Variants in ZNF100 observed in about 807,000 individuals in gnomAD.
The protein encoded by ZNF100 is zinc finger protein 100.
In ZNF100, 12 loss-of-function variants were observed where a neutral mutation model predicts 15.8. The ratio of observed to expected loss-of-function variants is 0.76; its 90% CI spans 0.49 to 1.23. ZNF100 has a LOEUF of 1.23. Among genes scored for constraint, ZNF100 ranks in the 50% most tolerant of loss-of-function variants. The pLI is 0.00. For missense variants in ZNF100, 670 were observed against 635.6 expected (o/e 1.05, Z -0.58); for synonymous variants, 226 against 214.8 (o/e 1.05, Z -0.45).
intron 2 of ZNF100, chr19:21,747,017 A>G (rs1486525581): frequency 6.6e-6 from 1 of 152,218 alleles, no homozygotes; most frequent in East Asian, 1.9e-4. Context: ...CCTCTCCCTT[A>G]TAACAGAGGA....
chr19:21,730,174 C>T (rs1443969992), intron 4 of ZNF100, among the ~76,000 whole-genome samples: 1 of 151,520 alleles, frequency 6.6e-6, no homozygotes, highest in Non-Finnish European at 1.5e-5. Context: ...TCAATAGAGA[C>T]TTATTTAAAT....
chr19:21,726,811 T>TC lies in ZNF100; in HGVS notation c.1500_1501insG (p.Thr501AspfsTer2), dbSNP rs749911838. 12 of 1,613,766 alleles carry TC rather than the reference T, an allele frequency of 7.4e-6. No individual in the cohort carries two copies. The highest frequency in any genetic ancestry group is 1.0e-5 in the Non-Finnish European group (12 of 1,179,868). On this transcript the variant is annotated frameshift_variant, in exon 5 of 5. Coordinates refer to ENST00000358296, the MANE Select transcript of ZNF100 (RefSeq NM_173531.4). LOFTEE classifies it low-confidence loss of function (END_TRUNC). ...CCAGTATGAGTTATCTTATGTTTAG[T>TC]AAGGGTTGAGGATCGGTTAAAAGCT...
In ZNF100 at chr19:21,727,851, T is replaced by A. The variant is rs1475887943; in HGVS notation, c.461A>T (p.Glu154Val). The A allele has an allele frequency of 1.9e-6, 3 of 1,612,224 alleles. No individual in the cohort carries two copies. Among genetic ancestry groups the A allele is most frequent in the Non-Finnish European group, 2.5e-6 (3 of 1,179,354 alleles). ...QLQKGCKSVD[E>V]CKVHKEHDNK... Reference sequence around the variant, plus strand: ...ATCATGTTCTTTGTGCACTTTACACTCATCCACACTTTTACAGCCTTTTTG... The same window carrying A: ...ATCATGTTCTTTGTGCACTTTACACACATCCACACTTTTACAGCCTTTTTG... Residue 154 changes from glutamate to valine, a missense_variant, in exon 5 of 5, where the codon GAG becomes GTG. Transcript: ENST00000358296.
rs772617724 is a variant in ZNF100 at position 21,727,757 on chromosome 19, G to T, written c.555C>A (p.Val185=). 1 of 1,613,866 alleles carries T rather than the reference G, an allele frequency of 6.2e-7. No individual in the cohort carries two copies. The highest frequency in any genetic ancestry group is 8.5e-7 in the Non-Finnish European group (1 of 1,179,868). ...TGTTTGAATTTGAAAATGTATGAAA[G>T]ACTTTTGCAGATGGATCACATTGAA... The part of the protein sequence containing the change: ...NIFQCDPSAK[V]FHTFSNSNRH... Residue 185 remains valine, a synonymous_variant, in exon 5 of 5, where the codon GTC becomes GTA. Coordinates refer to ENST00000358296, the MANE Select transcript of ZNF100 (RefSeq NM_173531.4).
intron 2 of ZNF100, among the ~76,000 whole-genome samples, chr19:21,755,875 T>G (rs1281575536): frequency 2.0e-5 from 3 of 151,998 alleles, no homozygotes; most frequent in Admixed American, 6.6e-5. Flanking sequence ...AAGTGGGAGC[T>G]GAACAATGAG....
Position 21,750,924 on chromosome 19 carries a change from A to G in ZNF100, c.97-5857T>C, listed in dbSNP as rs575991736. 20 of 667,368 alleles carry G rather than the reference A, an allele frequency of 3.0e-5. No homozygotes were observed. In the African/African-American group the frequency reaches 3.3e-4, roughly 11 times the overall value. 41.3% of individuals were successfully genotyped at this position (667,368 alleles called of 1,614,324 possible). On this transcript the variant is annotated intron_variant, in intron 2 of 4. Coordinates refer to ENST00000358296, the MANE Select transcript of ZNF100 (RefSeq NM_173531.4). ...GGCCGGTGCGTGGTGCCAGAGCTGT[A>G]CTGCGCAACCGACATCTACGAGGCG...
intron 2 of ZNF100, chr19:21,750,806 G>C (rs1049342015): frequency 4.7e-6 from 2 of 423,920 alleles, no homozygotes; most frequent in Non-Finnish European, 8.3e-6. Flanking sequence ...TAGGGGGCTA[G>C]AGAAGGCGCC....
chr19:21,745,807 C>T (rs941739249), intron 2 of ZNF100, among the ~76,000 whole-genome samples: 3 of 152,214 alleles, frequency 2.0e-5, no homozygotes, highest in African/African-American at 4.8e-5. Flanking sequence ...CAGGCGTGAG[C>T]CACCACGCCC....
intron 2 of ZNF100, chr19:21,753,140 ACTTGGGTGGCTGGAGGATTG>A: frequency 6.6e-6 from 1 of 152,312 alleles, no homozygotes; most frequent in Admixed American, 6.5e-5. Context: ...GGTTCCAGCT[ACTTGGGTGGCTGGAGGATTG>A]CTTGGGGTCA....
rs758434232 is a variant in ZNF100, at chr19:21,765,739, G to A, written c.51C>T (p.Cys17=). 56 of 1,613,992 alleles carry A rather than the reference G, an allele frequency of 3.5e-5. No individual in the cohort carries two copies. Among genetic ancestry groups the A allele is most frequent in the Non-Finnish European group, 9.3e-6 (11 of 1,180,032 alleles). ...GMCPLKGASG[C]PGAERSLLVQ... ...CCAGAAGACTCCTCTCAGCCCCAGG[G>A]CATCCACTTGCTCCCTTGAGAGGAC... Residue 17 remains cysteine, a synonymous_variant, in exon 2 of 5, where the codon TGC becomes TGT. Coordinates refer to ENST00000358296, the MANE Select transcript of ZNF100 (RefSeq NM_173531.4).
intron 4 of ZNF100, among the ~76,000 whole-genome samples, chr19:21,732,239 A>G (rs2035933159): frequency 1.3e-5 from 2 of 152,250 alleles, no homozygotes; most frequent in African/African-American, 4.8e-5. Flanking sequence ...AGAAAGATAC[A>G]GTTACAATAG....
At chr19:21,742,122 T>G (rs2036120099) in intron 4 of ZNF100, among the ~76,000 whole-genome samples, 1 of 151,964 alleles carries the variant, frequency 6.6e-6, no homozygotes, top group African/African-American at 2.4e-5. Context: ...ATGGTGAAAC[T>G]CTGTCTCTTC....
Position 21,765,704 on chromosome 19 carries a change from T to C in ZNF100, c.86A>G (p.Tyr29Cys). 1 of 1,614,114 alleles carries C rather than the reference T, an allele frequency of 6.2e-7. No homozygotes were observed. The highest frequency in any genetic ancestry group is 8.5e-7 in the Non-Finnish European group (1 of 1,180,004). Residue 29 changes from tyrosine (Y) to cysteine (C), a missense_variant, in exon 2 of 5, where the codon TAT becomes TGT. Transcript: ENST00000358296. ...GTCTCAAGGGGTTACCTTTTCAAAA[T>C]AAGACTGCACCAGAAGACTCCTCTC... is the stretch of plus-strand genomic sequence containing the variant. ...GAERSLLVQS[Y>C]FEKGPLTFRD...
intron 2 of ZNF100, among the ~76,000 whole-genome samples, chr19:21,760,949 A>C (rs1045726948): frequency 6.6e-6 from 1 of 151,704 alleles, no homozygotes; most frequent in Non-Finnish European, 1.5e-5. Context: ...TAGTACAGAC[A>C]GGGTTTCACC....
chr19:21,728,111 C>A, intron 4 of ZNF100, 122 bp from the exon 5 acceptor site: 2 of 912,980 alleles, frequency 2.2e-6, no homozygotes, highest in South Asian at 4.1e-5. Context: ...GGCCCTCATT[C>A]CTTTATAGAC....
chr19:21,727,413 C>A lies in ZNF100; in HGVS notation c.899G>T (p.Arg300Leu). ...TTTATGTGTAGTAAGGTGTGAAGAC[C>A]GGTTAAAAGCTTTCCCACATTCTTC... ...RCEECGKAFN[R>L]SSHLTTHKRI... is the part of the protein sequence containing the mutation. Residue 300 changes from arginine (R) to leucine (L), a missense_variant, in exon 5 of 5, where the codon CGG becomes CTG. Physicochemically the swap from Arg to Leu is moderately radical, Grantham distance 102. Coordinates refer to ENST00000358296, the MANE Select transcript of ZNF100 (RefSeq NM_173531.4). 2 of 1,611,456 alleles carry A rather than the reference C, an allele frequency of 1.2e-6. No individual in the cohort carries two copies. Among genetic ancestry groups the A allele is most frequent in the Middle Eastern group, 1.7e-4 (1 of 6,054 alleles).
In ZNF100 at chr19:21,740,978, C is replaced by T. The variant is rs1364009278; in HGVS notation, c.322+3039G>A. On this transcript the variant is annotated intron_variant, in intron 4 of 4. Coordinates refer to ENST00000358296, the MANE Select transcript of ZNF100 (RefSeq NM_173531.4). ...TATTTGAACATCTATGATTATTGTA[C>T]CAGTACTCACAAAAGTCAAAAGGCT... is the stretch of plus-strand genomic sequence containing the variant. Among the ~76,000 whole-genome samples the T allele has an allele frequency of 2.0e-5, 3 of 149,952 alleles. No individual in the cohort carries two copies. The East Asian group carries it at 5.8e-4, about 29-fold the overall frequency.
At chr19:21,764,511 G>A (rs2036530096) in intron 2 of ZNF100, among the ~76,000 whole-genome samples, 2 of 152,030 alleles carry the variant, frequency 1.3e-5, no homozygotes, top group Admixed American at 6.6e-5. Context: ...GCATAGTGGT[G>A]CGCCTCTAAT....
intron 2 of ZNF100, chr19:21,753,375 AC>A (rs1411848163): frequency 6.6e-6 from 1 of 152,040 alleles, no homozygotes. Flanking sequence ...GCAGTTCAAG[AC>A]CAGTCTAGTC....
Sources: gnomAD v4.1 joint callset for allele counts (sites outside exome capture counted in the v4.1 genomes callset) on GRCh38, gnomAD v4.1.1 for gene constraint, MANE v1.5 for transcripts, NCBI Gene and HGNC (gene_info 2026-07-23, HGNC 2026-07-21) for gene names.